Variants in DNTTIP2 observed in about 807,000 individuals in gnomAD.
DNTTIP2 encodes deoxynucleotidyltransferase terminal-interacting protein 2.
In DNTTIP2, 47 loss-of-function variants were observed where a neutral mutation model predicts 62.4. The ratio of observed to expected loss-of-function variants is 0.75; its 90% CI spans 0.60 to 0.96. The LOEUF is 0.96. DNTTIP2 is among the 40% of genes least tolerant of loss of function. The probability of loss-of-function intolerance (pLI) is 0.00; values close to 1 mark genes in which losing one functional copy is unlikely to be tolerated. For missense variants in DNTTIP2, 870 were observed against 849.1 expected (o/e 1.02, Z -0.31); for synonymous variants, 322 against 300.9 (o/e 1.07, Z -0.73).
At chr1:93,875,014 G>A (rs570355592) in intron 3 of DNTTIP2, among the ~76,000 whole-genome samples, 13 of 152,284 alleles carry the variant, frequency 8.5e-5, no homozygotes, top group African/African-American at 2.9e-4. Flanking sequence ...GGTTTCATTA[G>A]CCAGAAAAAA....
chr1:93,870,771 G>C lies in DNTTIP2; in HGVS notation c.2089C>G (p.Pro697Ala). 6.4e-7 allele frequency: 1 copy of C among 1,560,532 alleles called. No individual in the cohort carries two copies. The highest frequency in any genetic ancestry group is 1.7e-4 in the Middle Eastern group (1 of 5,950). The change falls in exon 6 of 7, where the codon CCA becomes GCA. Residue 697 changes from proline to alanine, a missense_variant. Physicochemically the swap from Pro to Ala is conservative, Grantham distance 27. Coordinates refer to ENST00000436063, the MANE Select transcript of DNTTIP2 (RefSeq NM_014597.5). The stretch of plus-strand genomic sequence containing the variant: ...ATTCGTGAATGGTAGAAATCAGCTG[G>C]ATTGTCAACAATGGTTCCAATCTGT... ...YFQIGTIVDN[P>A]ADFYHSRIPK... is the part of the protein sequence containing the mutation.
rs2100890371 is a variant in DNTTIP2 at position 93,878,001 on chromosome 1, A to G, written c.73-139T>C. 5.3e-6 allele frequency: 7 copies of G among 1,316,014 alleles called. No homozygotes were observed. The East Asian group carries it at 7.7e-5, about 14-fold the overall frequency. The allele number at this position is 1,316,014 out of a possible 1,614,324, so 81.5% of individuals were successfully genotyped here. A position where few individuals can be genotyped will look rare whatever the true frequency, so the allele number is the denominator to read the frequency against. The stretch of plus-strand genomic sequence containing the variant: ...AAAAACAAAAAAACCTGCCCAACTC[A>G]TGATTTTTAAAAAATCAAAATTTGG... On this transcript the variant is annotated intron_variant, in intron 1 of 6. Transcript: ENST00000436063.
chr1:93,879,052 A>G (rs917161225), intron 1 of DNTTIP2, 25 bp downstream of exon 1: 1 of 1,612,450 alleles, frequency 6.2e-7, no homozygotes, highest in African/African-American at 1.3e-5. Flanking sequence ...AAGCGGCGAG[A>G]AGTAGGGAAG....
In DNTTIP2 at chr1:93,876,395, C is replaced by T. The variant is rs1274416405; in HGVS notation, c.1540G>A (p.Val514Ile). Residue 514 changes from valine (V) to isoleucine (I), a missense_variant, in exon 2 of 7, where the codon GTT (valine) becomes ATT (isoleucine). Transcript: ENST00000436063. ...YLEEEDKASE[V>I]AIEEEKEEEE... ...TCTTCTTTTTCTTCCTCAATGGCAA[C>T]CTCACTTGCCTTGTCTTCCTCTTCC... 1.2e-6 allele frequency: 2 copies of T among 1,602,252 alleles called. No homozygotes were observed. The highest frequency in any genetic ancestry group is 1.1e-5 in the South Asian group (1 of 90,040).
Position 93,879,010 on chromosome 1 carries a change from C to T in DNTTIP2, c.72+67G>A. On this transcript the variant is annotated intron_variant, in intron 1 of 6. Coordinates refer to ENST00000436063, the MANE Select transcript of DNTTIP2 (RefSeq NM_014597.5). Reference sequence around the variant, plus strand: ...GTCCTCACCCTTAACCGGACCCTTGCGCCGCCCCGCCTGCCTGAGCGCGGC... The same window carrying T: ...GTCCTCACCCTTAACCGGACCCTTGTGCCGCCCCGCCTGCCTGAGCGCGGC... 8.8e-6 allele frequency: 14 copies of T among 1,586,516 alleles called. No homozygotes were observed. The South Asian group carries it at 1.3e-4, about 14-fold the overall frequency.
chr1:93,870,421 C>T (rs144889442), intron 6 of DNTTIP2, among the ~76,000 whole-genome samples: 2,845 of 152,106 alleles, frequency 0.019, 38 homozygotes, highest in Non-Finnish European at 0.019. Flanking sequence ...GCTTTTTTCA[C>T]CCTCGTTCTC....
Position 93,876,527 on chromosome 1 carries a change from C to T in DNTTIP2, c.1408G>A (p.Gly470Ser). The change falls in exon 2 of 7, where the codon GGC becomes AGC. Residue 470 changes from glycine to serine, a missense_variant. Coordinates refer to ENST00000436063, the MANE Select transcript of DNTTIP2 (RefSeq NM_014597.5). ...EDTLCFVENS[G>S]QRESLSGDTG... ...TCTCCACTTAATGACTCCCTTTGGC[C>T]ACTATTTTCAACAAAACATAAAGTA... The T allele has an allele frequency of 1.2e-6, 2 of 1,613,994 alleles. No individual in the cohort carries two copies. Among genetic ancestry groups the T allele is most frequent in the African/African-American group, 1.3e-5 (1 of 75,044 alleles).
chr1:93,879,198 C>A lies in DNTTIP2; in HGVS notation c.-50G>T, dbSNP rs1487938008. ...ACGACTTCCCTCTTCCCTGGCGCTC[C>A]GGAAATGCGTCAGAGAACTGCCTCG... On this transcript the variant is annotated 5_prime_UTR_variant, in exon 1 of 7. Transcript: ENST00000436063. 1.3e-6 allele frequency: 2 copies of A among 1,599,914 alleles called. No homozygotes were observed. The highest frequency in any genetic ancestry group is 1.3e-5 in the African/African-American group (1 of 74,450).
chr1:93,872,370 TC>T, intron 4 of DNTTIP2, 134 bp from the exon 5 acceptor site: 1 of 822,998 alleles, frequency 1.2e-6, no homozygotes, highest in Non-Finnish European at 1.8e-6. Flanking sequence ...AGCACTTAAA[TC>T]CAGAATCATA....
chr1:93,879,165 C>A lies in DNTTIP2; in HGVS notation c.-17G>T. 6.2e-7 allele frequency: 1 copy of A among 1,610,346 alleles called. No homozygotes were observed. The highest frequency in any genetic ancestry group is 8.5e-7 in the Non-Finnish European group (1 of 1,179,012). On this transcript the variant is annotated 5_prime_UTR_variant, in exon 1 of 7. Coordinates refer to ENST00000436063, the MANE Select transcript of DNTTIP2 (RefSeq NM_014597.5). Reference sequence around the variant, plus strand: ...AACCACCATCTTTCCGGCTCCCTCGCGACCACCACGACTTCCCTCTTCCCT... The same window carrying A: ...AACCACCATCTTTCCGGCTCCCTCGAGACCACCACGACTTCCCTCTTCCCT...
Position 93,877,674 on chromosome 1 carries a change from G to A in DNTTIP2, c.261C>T (p.Thr87=). Residue 87 remains threonine (T), a synonymous_variant, in exon 2 of 7, where the codon ACC becomes ACT. Coordinates refer to ENST00000436063, the MANE Select transcript of DNTTIP2 (RefSeq NM_014597.5). The part of the protein sequence containing the change: ...KGTEPSTDGE[T]SEAESNYSVS... ...CAGAATAATTTGACTCTGCCTCAGA[G>A]GTTTCTCCATCCGTAGATGGTTCAG... 6.2e-7 allele frequency: 1 copy of A among 1,613,942 alleles called. No homozygotes were observed. The highest frequency in any genetic ancestry group is 1.1e-5 in the South Asian group (1 of 91,074).
intron 3 of DNTTIP2, chr1:93,873,431 A>C: frequency 6.0e-6 from 2 of 334,590 alleles, no homozygotes; most frequent in Non-Finnish European, 5.5e-6. Context: ...GACTGTAAAA[A>C]AAAAAAAAAA....
At chr1:93,875,616 G>C (rs1287329025) in intron 3 of DNTTIP2, 29 bp downstream of exon 3, 2 of 1,596,638 alleles carry the variant, frequency 1.3e-6, no homozygotes, top group Non-Finnish European at 1.7e-6. Flanking sequence ...GGTTAGTTCT[G>C]TGAAAACCTA....
intron 3 of DNTTIP2, chr1:93,873,478 T>C: frequency 3.3e-6 from 1 of 305,974 alleles, no homozygotes; most frequent in South Asian, 3.1e-5. Context: ...GGCACACACC[T>C]GTAGTCCCAG....
Position 93,873,121 on chromosome 1 carries a change from T to C in DNTTIP2, c.1900A>G (p.Arg634Gly), listed in dbSNP as rs774310312. 19 of 1,604,546 alleles carry C rather than the reference T, an allele frequency of 1.2e-5. No homozygotes were observed. In the Admixed American group the frequency reaches 1.5e-4, roughly 13 times the overall value. Residue 634 changes from arginine (R) to glycine (G), a missense_variant and splice_region_variant, in exon 4 of 7, where the codon AGA becomes GGA. By Grantham distance (125) the Arg-to-Gly change is moderately radical. Transcript: ENST00000436063. ...ESKYQLQKKR[R>G]KERQKTAGDG... ...TTTAATTAAGTCACTGTACTTACTC[T>C]GCGTTTTTTCTGAAGTTGATACTTT...
intron 2 of DNTTIP2, among the ~76,000 whole-genome samples, 158 bp from the exon 3 acceptor site, chr1:93,875,941 A>C (rs1440610301): frequency 2.6e-5 from 4 of 151,492 alleles, no homozygotes; most frequent in African/African-American, 7.3e-5. Context: ...CTGAAAAAAA[A>C]CTCTAAATAA....
Position 93,876,883 on chromosome 1 carries a change from T to A in DNTTIP2, c.1052A>T (p.His351Leu). ...TPQNKNAVSV[H>L]SNLNSEAVMK... ...TACAGCCTCAGAGTTCAGATTAGAG[T>A]GCACTGATACAGCATTTTTATTTTG... Residue 351 changes from histidine (H) to leucine (L), a missense_variant, in exon 2 of 7, where the codon CAC (histidine) becomes CTC (leucine). His to Leu is a moderately conservative substitution (Grantham distance 99). Transcript: ENST00000436063. The A allele has an allele frequency of 6.2e-7, 1 of 1,613,950 alleles. No individual in the cohort carries two copies. The highest frequency in any genetic ancestry group is 1.1e-5 in the South Asian group (1 of 91,078).
rs1333294299 is a variant in DNTTIP2, at chr1:93,877,166, T to G, written c.769A>C (p.Lys257Gln). 4 of 1,613,152 alleles carry G rather than the reference T, an allele frequency of 2.5e-6. No individual in the cohort carries two copies. The highest frequency in any genetic ancestry group is 3.4e-6 in the Non-Finnish European group (4 of 1,179,862). The part of the protein sequence containing the change: ...LQARSLSEIN[K>Q]PNFYNNDFDD... ...AAGTCATTATTATAGAAATTTGGCT[T>G]ATTTATCTCAGAAAGAGATCTTGCT... is the stretch of plus-strand genomic sequence containing the variant. The change falls in exon 2 of 7, where the codon AAG (lysine) becomes CAG (glutamine). Residue 257 changes from lysine to glutamine, a missense_variant. By Grantham distance (53) the Lys-to-Gln change is moderately conservative. Coordinates refer to ENST00000436063, the MANE Select transcript of DNTTIP2 (RefSeq NM_014597.5).
Position 93,870,136 on chromosome 1 carries a change from T to TCCATCTATCTA in DNTTIP2, c.2178-203_2178-193dup, listed in dbSNP as rs754971245. 1.5e-4 allele frequency among the ~76,000 whole-genome samples: 23 copies of TCCATCTATCTA among 152,254 alleles called. No homozygotes were observed. The Middle Eastern group carries it at 0.014, about 90-fold the overall frequency. ...AGACTTTCCTACTATATGCACTATA[T>TCCATCTATCTA]CCATCTATCTATCCATATATCCATA... On this transcript the variant is annotated intron_variant, in intron 6 of 6. Coordinates refer to ENST00000436063, the MANE Select transcript of DNTTIP2 (RefSeq NM_014597.5).
Sources: gnomAD v4.1 joint callset for allele counts (sites outside exome capture counted in the v4.1 genomes callset) on GRCh38, gnomAD v4.1.1 for gene constraint, MANE v1.5 for transcripts, NCBI Gene and HGNC (gene_info 2026-07-23, HGNC 2026-07-21) for gene names.